Variants in FMN1 observed in about 807,000 individuals in gnomAD.
The protein encoded by FMN1 is formin-1.
FMN1 carries 110 observed loss-of-function variants against 132.4 expected under a neutral mutation model. That is an observed-to-expected ratio of 0.83 (90% CI 0.71 to 0.97). The LOEUF is 0.97. FMN1 is among the 50% of genes least tolerant of loss of function. The pLI, the probability that FMN1 is intolerant of heterozygous loss-of-function variation, is 0.00. For synonymous variants in FMN1, 722 were observed against 651.7 expected, an observed-to-expected ratio of 1.11 and a Z score of -1.64; for missense variants, 1,792 against 1,705.3, an observed-to-expected ratio of 1.05 and a Z score of -0.90.
chr15:32,804,303 G>T lies in FMN1; in HGVS notation c.3958C>A (p.His1320Asn). The change falls in exon 18 of 21, where the codon CAC (histidine) becomes AAC (asparagine). Residue 1320 changes from histidine to asparagine, a missense_variant. Physicochemically the swap from His to Asn is moderately conservative, Grantham distance 68. Coordinates refer to ENST00000616417, the MANE Select transcript of FMN1 (RefSeq NM_001277313.2). ...AKKEHKMEES[H>N]LENAQKSFET... ...TACCTTTTCTGTGCATTCTCCAAGT[G>T]ACTTTCTTCCATCTTATGCTCTTTT... is the stretch of plus-strand genomic sequence containing the variant. 6.4e-7 allele frequency: 1 copy of T among 1,568,898 alleles called. No individual in the cohort carries two copies. Among genetic ancestry groups the T allele is most frequent in the Non-Finnish European group, 8.7e-7 (1 of 1,155,718 alleles).
At chr15:32,861,920 G>C (rs1236749346) in intron 16 of FMN1, among the ~76,000 whole-genome samples, 1 of 152,162 alleles carries the variant, frequency 6.6e-6, no homozygotes, top group Non-Finnish European at 1.5e-5. Flanking sequence ...GTACAAACGA[G>C]AGCAGCTCCA....
chr15:32,983,566 T>A (rs532077353), intron 7 of FMN1, among the ~76,000 whole-genome samples: 1 of 152,182 alleles, frequency 6.6e-6, no homozygotes, highest in Admixed American at 6.5e-5. Context: ...GAAACATATA[T>A]GTTAGATGAA....
intron 7 of FMN1, among the ~76,000 whole-genome samples, chr15:33,000,557 G>T (rs896065118): frequency 6.6e-6 from 1 of 152,022 alleles, no homozygotes; most frequent in Non-Finnish European, 1.5e-5. Flanking sequence ...GAGGTGGGCA[G>T]ATGGCTCGTG....
intron 6 of FMN1, among the ~76,000 whole-genome samples, chr15:33,034,428 T>A (rs1007839516): frequency 1.3e-5 from 2 of 151,798 alleles, no homozygotes; most frequent in Non-Finnish European, 2.9e-5. Context: ...AAAAAAAAAA[T>A]TAGCTTGGCA....
chr15:32,920,015 A>G (rs1430784089), intron 10 of FMN1, among the ~76,000 whole-genome samples: 4 of 152,210 alleles, frequency 2.6e-5, no homozygotes, highest in Non-Finnish European at 4.4e-5. Flanking sequence ...ACTAGTAAGA[A>G]CTAAATAAAG....
chr15:32,776,566 C>T (rs915282892), intron 20 of FMN1, among the ~76,000 whole-genome samples: 4 of 151,930 alleles, frequency 2.6e-5, no homozygotes, highest in Admixed American at 6.6e-5. Flanking sequence ...GACTGTACTG[C>T]GGGTAGGGTG....
rs2036807976 is a variant in FMN1, at chr15:33,048,637, A to AACAAAAAACAAAC, written c.2161+16319_2161+16320insGTTTGTTTTTTGT. Among the ~76,000 whole-genome samples the AACAAAAAACAAAC allele has an allele frequency of 1.4e-5, 2 of 143,696 alleles. 1 individual carries two copies. The highest frequency in any genetic ancestry group is 5.1e-5 in the African/African-American group (2 of 39,214). The allele number at this position is 143,696 out of a possible 152,430, so 94.3% of individuals were successfully genotyped here. A position where few individuals can be genotyped will look rare whatever the true frequency, so the allele number is the denominator to read the frequency against. On this transcript the variant is annotated intron_variant, in intron 6 of 20. Coordinates refer to ENST00000616417, the MANE Select transcript of FMN1 (RefSeq NM_001277313.2). Reference sequence around the variant, plus strand: ...TCGAGACTGGGCAATTTACCAAAAAAAAAAAAAAAAAACCAACAGTTTAAT... The same window carrying AACAAAAAACAAAC: ...TCGAGACTGGGCAATTTACCAAAAAAACAAAAAACAAACAAAAAAAAAAAACCAACAGTTTAAT...
chr15:32,917,937 A>G (rs2060724593), intron 10 of FMN1, among the ~76,000 whole-genome samples: 1 of 152,224 alleles, frequency 6.6e-6, no homozygotes, highest in Non-Finnish European at 1.5e-5. Flanking sequence ...TTTAGTATAT[A>G]CATTCATAGT....
At chr15:33,181,707 CTT>C (rs753993602) in intron 2 of FMN1, among the ~76,000 whole-genome samples, 26 of 126,188 alleles carry the variant, frequency 2.1e-4, no homozygotes, top group Admixed American at 4.2e-4. Context: ...TTTTTTCTTT[CTT>C]TTTTTTTTTT....
chr15:33,091,172 T>C (rs534783769), intron 4 of FMN1, among the ~76,000 whole-genome samples: 19 of 152,308 alleles, frequency 1.2e-4, no homozygotes, highest in African/African-American at 4.6e-4. Flanking sequence ...AGGTAAGACA[T>C]TTGTATCATC....
chr15:33,019,006 A>G (rs2035254136), intron 6 of FMN1, among the ~76,000 whole-genome samples: 1 of 152,304 alleles, frequency 6.6e-6, no homozygotes, highest in East Asian at 1.9e-4. Flanking sequence ...TTGCAGAGTT[A>G]AAGAACAAAG....
At chr15:33,082,896 A>C (rs574724403) in intron 5 of FMN1, among the ~76,000 whole-genome samples, 26 of 152,248 alleles carry the variant, frequency 1.7e-4, no homozygotes, top group African/African-American at 6.0e-4. Context: ...AAACCAAAAA[A>C]TTTTGTAATA....
At chr15:33,126,878 AAC>A (rs1963132284) in intron 4 of FMN1, among the ~76,000 whole-genome samples, 2 of 152,182 alleles carry the variant, frequency 1.3e-5, no homozygotes, top group Non-Finnish European at 2.9e-5. Context: ...ACCCATAAAT[AAC>A]TGTGGCTGTA....
chr15:33,039,975 T>C (rs1470438144), intron 6 of FMN1, among the ~76,000 whole-genome samples: 1 of 152,124 alleles, frequency 6.6e-6, no homozygotes, highest in African/African-American at 2.4e-5. Flanking sequence ...GTTATTCCCT[T>C]GCCTAAAACC....
intron 6 of FMN1, among the ~76,000 whole-genome samples, chr15:33,017,376 T>C (rs2035113471): frequency 6.6e-6 from 1 of 152,076 alleles, no homozygotes; most frequent in Non-Finnish European, 1.5e-5. Flanking sequence ...AGAATGCTAA[T>C]ACTAAGGGAA....
intron 16 of FMN1, among the ~76,000 whole-genome samples, chr15:32,871,105 CCT>C (rs1356661591): frequency 6.6e-6 from 1 of 152,116 alleles, no homozygotes; most frequent in Non-Finnish European, 1.5e-5. Context: ...AGGTACCGGG[CCT>C]CTGAAGGGGA....
At chr15:33,023,034 A>AAG (rs1200394937) in intron 6 of FMN1, among the ~76,000 whole-genome samples, 1 of 145,048 alleles carries the variant, frequency 6.9e-6, no homozygotes, top group African/African-American at 2.6e-5. Context: ...GTGACAGAGC[A>AAG]AGACCCTGAT....
rs185448713 is a variant in FMN1 at position 33,019,092 on chromosome 15, G to C, written c.2162-11017C>G. ...CAGCCTGCTTTTATTCTCTTACCTG[G>C]CCCCACCCACATCCTGCTCATTGGT... On this transcript the variant is annotated intron_variant, in intron 6 of 20. Transcript: ENST00000616417. 1.5e-3 allele frequency among the ~76,000 whole-genome samples: 226 copies of C among 152,200 alleles called. 1 individual carries two copies. The highest frequency in any genetic ancestry group is 4.9e-3 in the African/African-American group (202 of 41,540).
intron 6 of FMN1, among the ~76,000 whole-genome samples, chr15:33,017,775 A>C (rs894858934): frequency 6.6e-6 from 1 of 152,230 alleles, no homozygotes; most frequent in Non-Finnish European, 1.5e-5. Flanking sequence ...ACTAAAATCC[A>C]TATGATGGGC....
Sources: gnomAD v4.1 joint callset for allele counts (sites outside exome capture counted in the v4.1 genomes callset) on GRCh38, gnomAD v4.1.1 for gene constraint, MANE v1.5 for transcripts, NCBI Gene and HGNC (gene_info 2026-07-23, HGNC 2026-07-21) for gene names.